The following ST6GALNAC5 variants were observed in gnomAD, a reference collection of about 807,000 sequenced individuals.
The protein encoded by ST6GALNAC5 is alpha-N-acetylgalactosaminide alpha-2,6-sialyltransferase 5.
ST6GALNAC5 carries 27 observed loss-of-function variants against 33.6 expected under a neutral mutation model. That is an observed-to-expected ratio of 0.80 (90% CI 0.59 to 1.11). The LOEUF is 1.11. Among genes scored for constraint, ST6GALNAC5 ranks in the 50% least tolerant of loss-of-function variants. The pLI is 0.00. For synonymous variants in ST6GALNAC5, 194 were observed against 171.2 expected (o/e 1.13, Z -1.04); for missense variants, 428 against 454.0 (o/e 0.94, Z 0.52).
At chr1:76,911,823 T>C (rs1445904183) in intron 2 of ST6GALNAC5, among the ~76,000 whole-genome samples, 1 of 152,198 alleles carries the variant, frequency 6.6e-6, no homozygotes, top group African/African-American at 2.4e-5. Flanking sequence ...CTTTTTTTCT[T>C]TATTAGTCTT....
intron 2 of ST6GALNAC5, among the ~76,000 whole-genome samples, chr1:76,971,591 T>G (rs113201500): frequency 1.1e-3 from 161 of 152,338 alleles, no homozygotes; most frequent in Non-Finnish European, 1.8e-3. Flanking sequence ...CCCTGTTTTT[T>G]GCCTTTTGTT....
At chr1:76,980,833 CA>C (rs1184061559) in intron 2 of ST6GALNAC5, among the ~76,000 whole-genome samples, 2 of 151,724 alleles carry the variant, frequency 1.3e-5, no homozygotes, top group African/African-American at 4.8e-5. Context: ...GATGTGATAC[CA>C]AAAACACAAG....
At chr1:76,988,215 A>C (rs1649587397) in intron 2 of ST6GALNAC5, among the ~76,000 whole-genome samples, 1 of 152,056 alleles carries the variant, frequency 6.6e-6, no homozygotes, top group South Asian at 2.1e-4. Context: ...CTTGATTTCC[A>C]GAAGTTGTGA....
At chr1:77,005,360 C>G (rs1392900721) in intron 2 of ST6GALNAC5, among the ~76,000 whole-genome samples, 1 of 152,188 alleles carries the variant, frequency 6.6e-6, no homozygotes. Context: ...GCGCACGGTG[C>G]GCACACCCAC....
At chr1:77,042,381 A>C (rs1651860104) in intron 2 of ST6GALNAC5, among the ~76,000 whole-genome samples, 1 of 152,118 alleles carries the variant, frequency 6.6e-6, no homozygotes. Flanking sequence ...CCCTCACTAA[A>C]GTGTAAGCTT....
chr1:76,912,641 G>A (rs1646926621), intron 2 of ST6GALNAC5, among the ~76,000 whole-genome samples: 1 of 150,726 alleles, frequency 6.6e-6, no homozygotes, highest in Non-Finnish European at 1.5e-5. Context: ...AGGATAGTTA[G>A]CTCTTCTTGT....
At chr1:76,913,892 G>A (rs1261707872) in intron 2 of ST6GALNAC5, among the ~76,000 whole-genome samples, 1 of 152,128 alleles carries the variant, frequency 6.6e-6, no homozygotes, top group Non-Finnish European at 1.5e-5. Flanking sequence ...AGGAAAAGAG[G>A]AAGTCAAATT....
intron 2 of ST6GALNAC5, among the ~76,000 whole-genome samples, chr1:77,009,604 T>C (rs1202218824): frequency 7.2e-5 from 11 of 152,016 alleles, no homozygotes; most frequent in Admixed American, 7.2e-4. Flanking sequence ...GGTGGAAAAA[T>C]CCCATCTTCC....
At chr1:77,039,747 G>A (rs960327540) in intron 2 of ST6GALNAC5, among the ~76,000 whole-genome samples, 7 of 152,218 alleles carry the variant, frequency 4.6e-5, no homozygotes, top group African/African-American at 1.7e-4. Flanking sequence ...CACCAAATGA[G>A]GCTTTACGGA....
At chr1:76,869,957 G>C (rs2100907901) in intron 2 of ST6GALNAC5, among the ~76,000 whole-genome samples, 1 of 152,228 alleles carries the variant, frequency 6.6e-6, no homozygotes, top group African/African-American at 2.4e-5. Flanking sequence ...GACTTCCCTG[G>C]AAAGATCAAG....
chr1:76,953,498 T>G (rs1647835735), intron 2 of ST6GALNAC5, among the ~76,000 whole-genome samples: 1 of 152,186 alleles, frequency 6.6e-6, no homozygotes, highest in African/African-American at 2.4e-5. Context: ...TTTCCTCATG[T>G]CTTTTACCCA....
intron 2 of ST6GALNAC5, among the ~76,000 whole-genome samples, chr1:76,906,264 T>A (rs1279818222): frequency 2.6e-5 from 4 of 152,136 alleles, no homozygotes; most frequent in African/African-American, 9.7e-5. Context: ...TGCACACCCC[T>A]AACCAAAGTG....
chr1:76,896,941 T>TA (rs1421920080), intron 2 of ST6GALNAC5, among the ~76,000 whole-genome samples: 1 of 152,126 alleles, frequency 6.6e-6, no homozygotes, highest in Admixed American at 6.5e-5. Context: ...CTGGCTCTTG[T>TA]ATAAGAATTC....
At chr1:77,042,990 T>C (rs1182811978) in intron 2 of ST6GALNAC5, among the ~76,000 whole-genome samples, 1 of 152,168 alleles carries the variant, frequency 6.6e-6, no homozygotes. Context: ...TGCCCTCGGG[T>C]GCTCTCAGTG....
chr1:77,008,150 T>C (rs1404167348), intron 2 of ST6GALNAC5, among the ~76,000 whole-genome samples: 1 of 152,206 alleles, frequency 6.6e-6, no homozygotes, highest in Non-Finnish European at 1.5e-5. Flanking sequence ...GGGTTTAATG[T>C]CCAGCTGGTG....
At chr1:76,977,441 C>A (rs1204257381) in intron 2 of ST6GALNAC5, among the ~76,000 whole-genome samples, 1 of 152,010 alleles carries the variant, frequency 6.6e-6, no homozygotes, top group African/African-American at 2.4e-5. Context: ...AACTTTGTAC[C>A]CACTGACCAA....
intron 2 of ST6GALNAC5, among the ~76,000 whole-genome samples, chr1:76,892,742 G>A (rs544380880): frequency 6.6e-6 from 1 of 152,142 alleles, no homozygotes; most frequent in South Asian, 2.1e-4. Flanking sequence ...CCTATATCTG[G>A]AGTCCTTTAA....
chr1:76,989,432 T>C (rs1649636291), intron 2 of ST6GALNAC5, among the ~76,000 whole-genome samples: 1 of 152,176 alleles, frequency 6.6e-6, no homozygotes, highest in African/African-American at 2.4e-5. Context: ...TTGAAGGATT[T>C]TTTTTCCTCC....
At chr1:76,893,548 T>TA (rs1356330285) in intron 2 of ST6GALNAC5, among the ~76,000 whole-genome samples, 1 of 152,236 alleles carries the variant, frequency 6.6e-6, no homozygotes, top group African/African-American at 2.4e-5. Context: ...TAGGAGGATT[T>TA]AATAAGATAA....
Sources: gnomAD v4.1 joint callset for allele counts (sites outside exome capture counted in the v4.1 genomes callset) on GRCh38, gnomAD v4.1.1 for gene constraint, MANE v1.5 for transcripts, NCBI Gene and HGNC (gene_info 2026-07-23, HGNC 2026-07-21) for gene names.